Variants in SNX30 observed in about 807,000 individuals in gnomAD.
SNX30 encodes sorting nexin-30.
A neutral mutation model predicts 46.4 loss-of-function variants in SNX30; 24 were observed. That is an observed-to-expected ratio of 0.52 (90% CI 0.37 to 0.73). The LOEUF is 0.73. Among genes scored for constraint, SNX30 ranks in the 30% least tolerant of loss-of-function variants. The probability of loss-of-function intolerance (pLI) is 0.00; values close to 1 mark genes in which losing one functional copy is unlikely to be tolerated. For synonymous variants in SNX30, 189 were observed against 211.5 expected, an observed-to-expected ratio of 0.89 and a Z score of 0.92; for missense variants, 533 against 555.7, an observed-to-expected ratio of 0.96 and a Z score of 0.41.
intron 1 of SNX30, among the ~76,000 whole-genome samples, chr9:112,761,882 T>C (rs1245194385): frequency 6.7e-6 from 1 of 150,134 alleles, no homozygotes; most frequent in African/African-American, 2.4e-5. Context: ...TAGATCCAAA[T>C]AGAGACTGGA....
intron 3 of SNX30, among the ~76,000 whole-genome samples, chr9:112,827,615 A>G (rs1184545271): frequency 6.6e-6 from 1 of 152,180 alleles, no homozygotes; most frequent in African/African-American, 2.4e-5. Context: ...CAAGTGGCCT[A>G]GTATTCCACT....
intron 1 of SNX30, among the ~76,000 whole-genome samples, chr9:112,791,200 C>T (rs1267791964): frequency 6.6e-6 from 1 of 151,990 alleles, no homozygotes; most frequent in African/African-American, 2.4e-5. Flanking sequence ...ATTAAGCTGG[C>T]TCTCCCTGTT....
rs1841211157 is a variant in SNX30, at chr9:112,860,681, G to T, written c.1102-3566G>T. On this transcript the variant is annotated intron_variant, in intron 7 of 8. Transcript: ENST00000374232. ...GTAGTTTGGAGATGATTCATCTCTG[G>T]TGTCTAATGAAATCTCAGGGTGGAG... is the stretch of plus-strand genomic sequence containing the variant. Among the ~76,000 whole-genome samples, 2 of 152,320 alleles carry T rather than the reference G, an allele frequency of 1.3e-5. 1 individual carries two copies. The highest frequency in any genetic ancestry group is 4.1e-4 in the South Asian group (2 of 4,828).
chr9:112,866,990 T>TCCCC (rs1841362336), intron 8 of SNX30, among the ~76,000 whole-genome samples: 1 of 1,406 alleles, frequency 7.1e-4, no homozygotes, highest in African/African-American at 3.3e-3. Context: ...CAGAATTCCT[T>TCCCC]CTCCCTCCTC....
At chr9:112,807,087 CAG>C (rs142708231) in intron 2 of SNX30, among the ~76,000 whole-genome samples, 4,964 of 99,738 alleles carry the variant, frequency 0.05, 381 homozygotes, top group African/African-American at 0.14. Context: ...TTTTTTGAGA[CAG>C]AGTCTCCCTC....
intron 1 of SNX30, 75 bp downstream of exon 1, chr9:112,751,232 G>C: frequency 1.5e-6 from 2 of 1,307,376 alleles, no homozygotes; most frequent in Non-Finnish European, 2.0e-6. Flanking sequence ...CGGAGCCTTC[G>C]TGGGCCTGGG....
upstream of SNX30, among the ~76,000 whole-genome samples, chr9:112,750,123 G>A (rs1239880407): frequency 2.0e-5 from 3 of 152,226 alleles, no homozygotes; most frequent in Non-Finnish European, 4.4e-5. Context: ...GAGTTGAAGA[G>A]TCGCATATCA....
intron 4 of SNX30, among the ~76,000 whole-genome samples, chr9:112,832,878 A>G (rs1050499198): frequency 2.0e-5 from 3 of 147,804 alleles, no homozygotes; most frequent in African/African-American, 7.4e-5. Context: ...TATATAAAAT[A>G]TCTATATATA....
intron 4 of SNX30, among the ~76,000 whole-genome samples, chr9:112,832,810 ATATT>A (rs1840687691): frequency 6.8e-6 from 1 of 146,744 alleles, no homozygotes; most frequent in Non-Finnish European, 1.5e-5. Context: ...GAAAAAATAT[ATATT>A]ATATATTAAT....
downstream of SNX30, chr9:112,877,869 C>G (rs1250602994): frequency 3.9e-5 from 6 of 152,164 alleles, no homozygotes; most frequent in Admixed American, 6.6e-5. Flanking sequence ...AGGTGCACAC[C>G]ACCATACCCA....
chr9:112,789,602 A>G (rs1000095728), intron 1 of SNX30, among the ~76,000 whole-genome samples: 2 of 152,224 alleles, frequency 1.3e-5, no homozygotes, highest in Non-Finnish European at 2.9e-5. Flanking sequence ...AGAAGGAATG[A>G]ACAGGAATTG....
intron 3 of SNX30, among the ~76,000 whole-genome samples, chr9:112,818,072 A>C (rs958335125): frequency 3.3e-5 from 5 of 152,184 alleles, no homozygotes; most frequent in African/African-American, 4.8e-5. Flanking sequence ...CCATTGCCAC[A>C]GTTTTTCATT....
intron 8 of SNX30, among the ~76,000 whole-genome samples, chr9:112,865,495 A>G (rs1052165750): frequency 5.3e-5 from 8 of 151,264 alleles, no homozygotes; most frequent in African/African-American, 1.2e-4. Context: ...GCGTGTGCCT[A>G]TAGTTCCAGC....
At chr9:112,856,484 A>C (rs4979167) in intron 7 of SNX30, among the ~76,000 whole-genome samples, 119,501 of 150,130 alleles carry the variant, frequency 0.8, 47,751 homozygotes, top group South Asian at 0.87. Context: ...GGAGTGGGGC[A>C]TTGGTGTGGG....
intron 8 of SNX30, among the ~76,000 whole-genome samples, chr9:112,865,880 A>G (rs1295804804): frequency 3.3e-5 from 5 of 151,366 alleles, no homozygotes; most frequent in Non-Finnish European, 7.4e-5. Flanking sequence ...TAACTCCCAC[A>G]CCTTCCCTCT....
intron 3 of SNX30, among the ~76,000 whole-genome samples, chr9:112,826,357 T>C (rs1840579337): frequency 6.6e-6 from 1 of 152,116 alleles, no homozygotes; most frequent in South Asian, 2.1e-4. Flanking sequence ...ATCAATGGGA[T>C]ACAGTGAAGT....
intron 2 of SNX30, among the ~76,000 whole-genome samples, chr9:112,811,206 A>G (rs142221093): frequency 8.6e-4 from 131 of 152,288 alleles, no homozygotes; most frequent in Non-Finnish European, 1.5e-3. Context: ...TTCTCAGGGC[A>G]GTGGGGTTTT....
intron 1 of SNX30, among the ~76,000 whole-genome samples, chr9:112,759,543 C>T (rs1839405362): frequency 6.6e-6 from 1 of 152,092 alleles, no homozygotes; most frequent in African/African-American, 2.4e-5. Flanking sequence ...TCCTGGCCAA[C>T]ATGGCGAAAC....
At chr9:112,834,366 CTTCCCGTGACCTCT>C (rs1240014862) in intron 4 of SNX30, among the ~76,000 whole-genome samples, 3 of 152,204 alleles carry the variant, frequency 2.0e-5, no homozygotes, top group Non-Finnish European at 4.4e-5. Context: ...TCAAGTTGGG[CTTCCCGTGACCTCT>C]TCTTTGGGTT....
Sources: gnomAD v4.1 joint callset for allele counts (sites outside exome capture counted in the v4.1 genomes callset) on GRCh38, gnomAD v4.1.1 for gene constraint, MANE v1.5 for transcripts, NCBI Gene and HGNC (gene_info 2026-07-23, HGNC 2026-07-21) for gene names.